The following EFTUD2 variants were observed in gnomAD, a reference collection of about 807,000 sequenced individuals.
EFTUD2 encodes the protein 116 kDa U5 small nuclear ribonucleoprotein component.
In EFTUD2, 9 loss-of-function variants were observed where a neutral mutation model predicts 114.3. The observed-to-expected ratio is 0.08, with a 90% CI of 0.05 to 0.14. EFTUD2 has a LOEUF of 0.14. Ranked by LOEUF, EFTUD2 falls within the 10% of genes least tolerant of loss-of-function variation. The pLI is 1.00. For synonymous variants in EFTUD2, 449 were observed against 462.3 expected (o/e 0.97, Z 0.37); for missense variants, 765 against 1,241.2 (o/e 0.62, Z 5.76).
chr17:44,872,387 A>C, intron 11 of EFTUD2, 59 bp downstream of exon 11: 1 of 1,600,506 alleles, frequency 6.2e-7, no homozygotes, highest in Non-Finnish European at 8.5e-7. Context: ...GTCATTCAGC[A>C]GGAAAGGCAC....
chr17:44,862,628 C>T, intron 16 of EFTUD2, 85 bp downstream of exon 16: 3 of 1,351,728 alleles, frequency 2.2e-6, no homozygotes, highest in Non-Finnish European at 3.0e-6. Context: ...CAACTACTTC[C>T]AAGGAGGATC....
intron 8 of EFTUD2, 117 bp downstream of exon 8, chr17:44,880,437 T>G (rs556398180): frequency 3.0e-6 from 2 of 676,138 alleles, no homozygotes; most frequent in African/African-American, 3.6e-5. Context: ...ATGGTTTCAA[T>G]GAAGGTGAGG....
chr17:44,854,779 C>T lies in EFTUD2; in HGVS notation c.2133-97G>A. On this transcript the variant is annotated intron_variant, in intron 21 of 27. Transcript: ENST00000426333. The surrounding 1 kb of genome is among the most constrained non-coding windows in gnomAD (Gnocchi z 4.3). Reference sequence around the variant, plus strand: ...CCTTCCTGGAAGACAGTCACTTCATCCTACCCACTGTGCCCAGAACAAGAG... The same window carrying T: ...CCTTCCTGGAAGACAGTCACTTCATTCTACCCACTGTGCCCAGAACAAGAG... 6.3e-7 allele frequency: 1 copy of T among 1,579,480 alleles called. No individual in the cohort carries two copies. The highest frequency in any genetic ancestry group is 8.6e-7 in the Non-Finnish European group (1 of 1,157,074).
Position 44,854,448 on chromosome 17 carries a change from T to C in EFTUD2, c.2260-92A>G, listed in dbSNP as rs2050510725. ...GACAGATGTGCCTGTAAGGGGATAC[T>C]GTCCTTCACCAGAGGACACAAGATA... is the stretch of plus-strand genomic sequence containing the variant. On this transcript the variant is annotated intron_variant, in intron 22 of 27. Coordinates refer to ENST00000426333, the MANE Select transcript of EFTUD2 (RefSeq NM_004247.4). This position sits in a 1 kb window ranked among gnomAD's most constrained non-coding sequence, Gnocchi z 4.3. 6.3e-7 allele frequency: 1 copy of C among 1,580,048 alleles called. No individual in the cohort carries two copies. Among genetic ancestry groups the C allele is most frequent in the Non-Finnish European group, 8.6e-7 (1 of 1,158,876 alleles).
chr17:44,864,059 T>G, intron 14 of EFTUD2: 1 of 276,240 alleles, frequency 3.6e-6, no homozygotes, highest in Non-Finnish European at 6.9e-6. Flanking sequence ...TACATCGATC[T>G]ATGAACTTTT....
intron 11 of EFTUD2, 37 bp downstream of exon 11, chr17:44,872,409 G>C (rs746424607): frequency 6.2e-7 from 1 of 1,607,416 alleles, no homozygotes; most frequent in African/African-American, 1.3e-5. Flanking sequence ...CAGGACTCAG[G>C]GGAAGCTGGT....
In EFTUD2 at chr17:44,852,555, C is replaced by T; in HGVS notation, c.2569G>A (p.Val857Met). 1.2e-6 allele frequency: 2 copies of T among 1,614,072 alleles called. No homozygotes were observed. The highest frequency in any genetic ancestry group is 1.7e-6 in the Non-Finnish European group (2 of 1,179,988). The change falls in exon 26 of 28, where the codon GTG (valine) becomes ATG (methionine). Residue 857 changes from valine to methionine, a missense_variant. Transcript: ENST00000426333. ...CCTGGGATGGGTGCATCCTGAGTCA[C>T]GTGCCCCCTGAGACAGAAAAACAAA... ...YTVLARRRGH[V>M]TQDAPIPGSP...
At position 44,851,826 on chromosome 17, in the gene EFTUD2, C is replaced by G; in HGVS notation, c.2716-9G>C. On this transcript the variant is annotated splice_polypyrimidine_tract_variant and intron_variant, in intron 26 of 27. Coordinates refer to ENST00000426333, the MANE Select transcript of EFTUD2 (RefSeq NM_004247.4). Reference sequence around the variant, plus strand: ...GGATCACCAGGCACAATCTAAAAGGCAAAGGAATTTCAGATGGCCCAGGCA... The same window carrying G: ...GGATCACCAGGCACAATCTAAAAGGGAAAGGAATTTCAGATGGCCCAGGCA... 1 of 1,603,668 alleles carries G rather than the reference C, an allele frequency of 6.2e-7. No homozygotes were observed. Among genetic ancestry groups the G allele is most frequent in the South Asian group, 1.1e-5 (1 of 89,086 alleles).
rs750977889 is a variant in EFTUD2 at position 44,850,319 on chromosome 17, TTC to T, written c.*953_*954del. The T allele has an allele frequency of 9.3e-6, 15 of 1,608,970 alleles. No individual in the cohort carries two copies. Among genetic ancestry groups the T allele is most frequent in the Non-Finnish European group, 1.3e-5 (15 of 1,176,994 alleles). ...TTGATGCCAAGGGGCATTATTTCTT[TTC>T]TCTCACACAGGTGCTGTGTACACAA... On this transcript the variant is annotated 3_prime_UTR_variant, in exon 28 of 28. Coordinates refer to ENST00000426333, the MANE Select transcript of EFTUD2 (RefSeq NM_004247.4).
intron 14 of EFTUD2, 138 bp downstream of exon 14, chr17:44,864,792 G>T: frequency 7.6e-7 from 1 of 1,319,344 alleles, no homozygotes; most frequent in Non-Finnish European, 1.0e-6. Context: ...AAACACCAGT[G>T]TTCTGCATCT....
chr17:44,890,208 C>T (rs959370695), intron 2 of EFTUD2, among the ~76,000 whole-genome samples: 3 of 151,474 alleles, frequency 2.0e-5, no homozygotes, highest in Non-Finnish European at 4.4e-5. Flanking sequence ...TTAATAGAGA[C>T]AGGGTTTCAT....
intron 15 of EFTUD2, chr17:44,863,124 GA>G: frequency 2.3e-6 from 1 of 428,620 alleles, no homozygotes; most frequent in East Asian, 3.5e-5. Context: ...TTTTTTTTGG[GA>G]GGATAAGGGC....
At chr17:44,892,948 G>GA (rs1297054952) in intron 2 of EFTUD2, among the ~76,000 whole-genome samples, 4 of 149,696 alleles carry the variant, frequency 2.7e-5, no homozygotes, top group Non-Finnish European at 5.9e-5. Flanking sequence ...TTTTCAAAAA[G>GA]AAAAAAAAAT....
In EFTUD2 at chr17:44,854,736, C is replaced by A; in HGVS notation, c.2133-54G>T. The A allele has an allele frequency of 6.3e-7, 1 of 1,595,626 alleles. No individual in the cohort carries two copies. The highest frequency in any genetic ancestry group is 8.6e-7 in the Non-Finnish European group (1 of 1,168,876). On this transcript the variant is annotated intron_variant, in intron 21 of 27. Transcript: ENST00000426333. The surrounding 1 kb of genome is among the most constrained non-coding windows in gnomAD (Gnocchi z 4.3). ...TCAGCCAGCTCTGTGATTGCTGGTC[C>A]TGGAGCCACAGACCCTCCCTTCCTG...
At position 44,894,513 on chromosome 17, in the gene EFTUD2, G is replaced by A. The variant is rs565428777; in HGVS notation, c.9C>T (p.Thr3=). 2.5e-5 allele frequency: 41 copies of A among 1,612,830 alleles called. No homozygotes were observed. The South Asian group carries it at 3.4e-4, about 13-fold the overall frequency. The change falls in exon 2 of 28, where the codon ACC becomes ACT. Residue 3 remains threonine, a synonymous_variant. Transcript: ENST00000426333. MD[T]DLYDEFGNYI... ...AATTCCCAAACTCATCATATAAGTC[G>A]GTATCCATGATGCTAAAATTCAAGG...
At chr17:44,856,938 G>T in intron 20 of EFTUD2, 137 bp downstream of exon 20, 1 of 660,452 alleles carries the variant, frequency 1.5e-6, no homozygotes. Context: ...TGAAACTCAA[G>T]TATTGTAAGC....
chr17:44,853,438 G>A (rs372427193), intron 24 of EFTUD2, 48 bp from the exon 25 acceptor site: 12 of 1,612,800 alleles, frequency 7.4e-6, no homozygotes, highest in East Asian at 2.2e-5. Context: ...GAAGGCTGGG[G>A]GCCTATAGTC....
rs2145437406 is a variant in EFTUD2 at position 44,854,333 on chromosome 17, T to G, written c.2283A>C (p.Ser761=). 6.2e-7 allele frequency: 1 copy of G among 1,613,978 alleles called. No homozygotes were observed. The highest frequency in any genetic ancestry group is 2.2e-5 in the East Asian group (1 of 44,886). ...PSEVDKALLG[S]VKDSIVQGFQ... ...AACCTTGAACGATGCTGTCCTTCAC[T>G]GAACCAAGAAGAGCCTTGTCCACCT... is the stretch of plus-strand genomic sequence containing the variant. Residue 761 remains serine (S), a synonymous_variant, in exon 23 of 28, where the codon TCA becomes TCC. Transcript: ENST00000426333. This position sits in a 1 kb window ranked among gnomAD's most constrained non-coding sequence, Gnocchi z 4.3.
rs749198490 is a variant in EFTUD2 at position 44,876,143 on chromosome 17, G to C, written c.703-43C>G. ...CAGAAGGTGGTAAGAAGAACAAGGA[G>C]GGCAGAAAGTTCAAAGCAGAACCAA... On this transcript the variant is annotated intron_variant, in intron 9 of 27. Transcript: ENST00000426333. The C allele has an allele frequency of 4.4e-6, 7 of 1,575,928 alleles. No individual in the cohort carries two copies. The Admixed American group carries it at 1.0e-4, about 23-fold the overall frequency.
Sources: allele counts gnomAD v4.1 joint callset (sites outside exome capture counted in the v4.1 genomes callset), GRCh38; gene constraint gnomAD v4.1.1; non-coding constraint Gnocchi (gnomAD v3.1); transcripts MANE v1.5; gene names NCBI Gene and HGNC (gene_info 2026-07-23, HGNC 2026-07-21).